Variants in TBCB observed in about 807,000 individuals in gnomAD.
The protein encoded by TBCB is tubulin-folding cofactor B.
In TBCB, 18 loss-of-function variants were observed where a neutral mutation model predicts 29.2. That is an observed-to-expected ratio of 0.62 (90% confidence interval 0.43 to 0.91). The LOEUF (loss-of-function observed/expected upper bound fraction) is 0.91. Ranked by LOEUF, TBCB falls within the 40% of genes least tolerant of loss-of-function variation. The pLI, the probability that TBCB is intolerant of heterozygous loss-of-function variation, is 0.00. For synonymous variants in TBCB, 172 were observed against 137.8 expected (o/e 1.25, Z -1.74); for missense variants, 336 against 337.6 (o/e 1.00, Z 0.04).
Position 36,115,567 on chromosome 19 carries a change from G to C in TBCB, c.7G>C (p.Val3Leu). ...ATCCGCAGGGCGCGGCAAGATGGAG[G>C]TGACGGGGGTGTCGGCACCCACGGT... ME[V>L]TGVSAPTVTV... The change falls in exon 1 of 6, where the codon GTG becomes CTG. Residue 3 changes from valine (V) to leucine (L), a missense_variant. Physicochemically the swap from Val to Leu is conservative, Grantham distance 32. Transcript: ENST00000221855. The C allele has an allele frequency of 1.2e-6, 2 of 1,607,078 alleles. No homozygotes were observed. Among genetic ancestry groups the C allele is most frequent in the African/African-American group, 1.3e-5 (1 of 74,820 alleles).
At chr19:36,125,237 G>A (rs1416097821) in intron 4 of TBCB, among the ~76,000 whole-genome samples, 1 of 152,202 alleles carries the variant, frequency 6.6e-6, no homozygotes, top group Non-Finnish European at 1.5e-5. Flanking sequence ...GGGGGACAGG[G>A]GTGGAAGCAG....
chr19:36,121,513 C>A lies in TBCB; in HGVS notation c.356-14C>A, dbSNP rs1464640143. The A allele has an allele frequency of 6.5e-7, 1 of 1,549,510 alleles. No individual in the cohort carries two copies. The highest frequency in any genetic ancestry group is 1.4e-5 in the African/African-American group (1 of 73,356). On this transcript the variant is annotated splice_polypyrimidine_tract_variant and intron_variant, in intron 3 of 5. Transcript: ENST00000221855. ...GCCGACACCCCAACTGACCCCAGCC[C>A]CCTCTGCCCACAGACACGGTCCGCT...
At chr19:36,122,935 G>C (rs1240761132) in intron 4 of TBCB, among the ~76,000 whole-genome samples, 2 of 152,082 alleles carry the variant, frequency 1.3e-5, no homozygotes, top group Non-Finnish European at 2.9e-5. Flanking sequence ...CCCACTGTCT[G>C]GTATTTCCGT....
At chr19:36,115,157 T>C, upstream of TBCB, 1 of 566,468 alleles carries the variant, frequency 1.8e-6, no homozygotes, top group Non-Finnish European at 3.1e-6. Context: ...CGCAAAACAC[T>C]GAGCATCCAG....
rs916546415 is a variant in TBCB, at chr19:36,121,652, G to A, written c.481G>A (p.Val161Met). 3.2e-6 allele frequency: 5 copies of A among 1,561,146 alleles called. No homozygotes were observed. The highest frequency in any genetic ancestry group is 1.2e-5 in the South Asian group (1 of 84,612). Residue 161 changes from valine (V) to methionine (M), a missense_variant, in exon 4 of 6, where the codon GTG (valine) becomes ATG (methionine). Val to Met is a conservative substitution (Grantham distance 21). Transcript: ENST00000221855. Reference protein sequence around the residue: ...EEKAQASSIPVGSRCEVRAAG... With the variant: ...EEKAQASSIPMGSRCEVRAAG... The stretch of plus-strand genomic sequence containing the variant: ...GAAGGCCCAGGCCAGCTCCATCCCC[G>A]TGGGCAGCCGCTGTGAGGTGCGGGC...
intron 4 of TBCB, 41 bp downstream of exon 4, chr19:36,121,759 A>G: frequency 6.5e-7 from 1 of 1,547,968 alleles, no homozygotes; most frequent in Non-Finnish European, 8.7e-7. Context: ...CCAGGGCTCC[A>G]AGGCCGGGAG....
chr19:36,119,404 G>A (rs1052383177), intron 2 of TBCB, among the ~76,000 whole-genome samples: 2 of 151,884 alleles, frequency 1.3e-5, no homozygotes, highest in South Asian at 2.1e-4. Context: ...AAATCCTCTC[G>A]GCTCCACCTA....
At position 36,125,822 on chromosome 19, in the gene TBCB, A is replaced by C; in HGVS notation, c.*40A>C. On this transcript the variant is annotated 3_prime_UTR_variant, in exon 6 of 6. Coordinates refer to ENST00000221855, the MANE Select transcript of TBCB (RefSeq NM_001281.3). ...CCCTGCTTCAGCTCCTAGCTCAGCC[A>C]CTGACTGCCCCTCCTGTGTGTGCCC... 5 of 1,419,684 alleles carry C rather than the reference A, an allele frequency of 3.5e-6. No individual in the cohort carries two copies. The highest frequency in any genetic ancestry group is 3.9e-4 in the Middle Eastern group (2 of 5,150). The allele number at this position is 1,419,684 out of a possible 1,614,324, so 87.9% of individuals were successfully genotyped here. A position where few individuals can be genotyped will look rare whatever the true frequency, so the allele number is the denominator to read the frequency against.
chr19:36,121,627 G>A lies in TBCB; in HGVS notation c.456G>A (p.Glu152=). 1 of 1,558,222 alleles carries A rather than the reference G, an allele frequency of 6.4e-7. No individual in the cohort carries two copies. Among genetic ancestry groups the A allele is most frequent in the Admixed American group, 1.9e-5 (1 of 52,090 alleles). Residue 152 remains glutamate, a synonymous_variant, in exon 4 of 6, where the codon GAG becomes GAA. Coordinates refer to ENST00000221855, the MANE Select transcript of TBCB (RefSeq NM_001281.3). The stretch of plus-strand genomic sequence containing the variant: ...AGGCCGCCCAGCGCCTGGCCGAGGA[G>A]AAGGCCCAGGCCAGCTCCATCCCCG... The part of the protein sequence containing the change: ...EAEAAQRLAE[E]KAQASSIPVG...
chr19:36,115,367 A>G (rs1161427011), upstream of TBCB: 2 of 587,790 alleles, frequency 3.4e-6, no homozygotes, highest in African/African-American at 1.9e-5. Context: ...GCCCAAGAGT[A>G]AGGAGAGCCC....
chr19:36,124,446 C>T (rs890228613), intron 4 of TBCB, among the ~76,000 whole-genome samples: 1 of 152,094 alleles, frequency 6.6e-6, no homozygotes, highest in East Asian at 1.9e-4. Context: ...GTCTCAAACT[C>T]CTGGCCTCAA....
In TBCB at chr19:36,116,155, T is replaced by C; in HGVS notation, c.229T>C (p.Tyr77His). ...LDQEDALLGS[Y>H]PVDDGCRIHV... ...TCAAGAGGATGCGCTCCTGGGCTCC[T>C]ACCCTGTAGATGACGGCTGCCGCAT... Residue 77 changes from tyrosine to histidine, a missense_variant, in exon 2 of 6, where the codon TAC (tyrosine) becomes CAC (histidine). Tyr to His is a moderately conservative substitution (Grantham distance 83). Coordinates refer to ENST00000221855, the MANE Select transcript of TBCB (RefSeq NM_001281.3). The C allele has an allele frequency of 1.2e-6, 2 of 1,614,170 alleles. No homozygotes were observed. Among genetic ancestry groups the C allele is most frequent in the Non-Finnish European group, 1.7e-6 (2 of 1,180,008 alleles).
intron 2 of TBCB, among the ~76,000 whole-genome samples, chr19:36,118,928 T>A (rs1232190992): frequency 2.6e-5 from 4 of 152,116 alleles, no homozygotes; most frequent in Admixed American, 2.6e-4. Flanking sequence ...AGGAAGGGGC[T>A]GCTGTGAGAG....
Position 36,121,690 on chromosome 19 carries a change from C to G in TBCB, c.519C>G (p.Ser173=). ...GTGAGGTGCGGGCGGCGGGACAATC[C>G]CCTCGCCGGGGCACCGTCATGTATG... ...SRCEVRAAGQ[S]PRRGTVMYVG... The change falls in exon 4 of 6, where the codon TCC becomes TCG. Residue 173 remains serine, a synonymous_variant. Transcript: ENST00000221855. The G allele has an allele frequency of 6.4e-7, 1 of 1,555,462 alleles. No individual in the cohort carries two copies. Among genetic ancestry groups the G allele is most frequent in the Non-Finnish European group, 8.7e-7 (1 of 1,150,974 alleles).
intron 3 of TBCB, 143 bp from the exon 4 acceptor site, chr19:36,121,379 CTGTGG>C: frequency 1.0e-6 from 1 of 959,960 alleles, no homozygotes; most frequent in Non-Finnish European, 1.5e-6. Context: ...GAGGCTAAGG[CTGTGG>C]TGGGAGACCT....
chr19:36,115,254 CCTA>C (rs1405560180), upstream of TBCB: 1 of 532,400 alleles, frequency 1.9e-6, no homozygotes, highest in Non-Finnish European at 3.3e-6. Context: ...TCTTGCCACT[CCTA>C]CCTCCGGGCT....
intron 1 of TBCB, 68 bp from the exon 2 acceptor site, chr19:36,115,973 G>A: frequency 6.4e-7 from 1 of 1,573,230 alleles, no homozygotes; most frequent in East Asian, 2.3e-5. Flanking sequence ...GGGACGTGGC[G>A]ATGGTCATTG....
At chr19:36,116,448 G>A (rs1973956200) in intron 2 of TBCB, 1 of 407,954 alleles carries the variant, frequency 2.5e-6, no homozygotes, top group Admixed American at 4.0e-5. Flanking sequence ...GGGCTTCCTG[G>A]AGGAAGGGAT....
At position 36,125,819 on chromosome 19, in the gene TBCB, G is replaced by C. The variant is rs770095381; in HGVS notation, c.*37G>C. On this transcript the variant is annotated 3_prime_UTR_variant, in exon 6 of 6. Transcript: ENST00000221855. ...TTCCCCTGCTTCAGCTCCTAGCTCAGCCACTGACTGCCCCTCCTGTGTGTG... is the reference window on the plus strand; with the variant it reads ...TTCCCCTGCTTCAGCTCCTAGCTCACCCACTGACTGCCCCTCCTGTGTGTG... The C allele has an allele frequency of 2.8e-6, 4 of 1,418,632 alleles. No homozygotes were observed. In the East Asian group the frequency reaches 7.2e-5, roughly 26 times the overall value. The allele number at this position is 1,418,632 out of a possible 1,614,324, so 87.9% of individuals were successfully genotyped here. A position where few individuals can be genotyped will look rare whatever the true frequency, so the allele number is the denominator to read the frequency against.
Sources: gnomAD v4.1 joint callset for allele counts (sites outside exome capture counted in the v4.1 genomes callset) on GRCh38, gnomAD v4.1.1 for gene constraint, MANE v1.5 for transcripts, NCBI Gene and HGNC (gene_info 2026-07-23, HGNC 2026-07-21) for gene names.